The following TRPM3 variants were observed in gnomAD, a reference collection of about 807,000 sequenced individuals.
The protein encoded by TRPM3 is long transient receptor potential channel 3.
TRPM3 carries 77 observed loss-of-function variants against 181.2 expected under a neutral mutation model. The observed-to-expected ratio is 0.42, with a 90% CI of 0.35 to 0.51. TRPM3 has a LOEUF of 0.51. TRPM3 is among the 20% of genes least tolerant of loss of function. The pLI is 0.01. For missense variants in TRPM3, 1,759 were observed against 2,196.7 expected (o/e 0.80, Z 3.98); for synonymous variants, 745 against 796.4 (o/e 0.94, Z 1.09).
At chr9:70,548,377 G>A (rs2045596677) in intron 25 of TRPM3, among the ~76,000 whole-genome samples, 1 of 152,150 alleles carries the variant, frequency 6.6e-6, no homozygotes, top group African/African-American at 2.4e-5. Flanking sequence ...ATCACTTAAT[G>A]GCATATGTGT....
chr9:71,128,942 C>T (rs921499358), intron 1 of TRPM3, among the ~76,000 whole-genome samples: 1 of 152,198 alleles, frequency 6.6e-6, no homozygotes, highest in African/African-American at 2.4e-5. Context: ...ACACACCCTG[C>T]CTTGTGCATC....
At chr9:71,281,677 T>C (rs375907989) in intron 1 of TRPM3, among the ~76,000 whole-genome samples, 1 of 152,350 alleles carries the variant, frequency 6.6e-6, no homozygotes, top group South Asian at 2.1e-4. Context: ...TAAGCAATCA[T>C]ATTAATTTCT....
intron 1 of TRPM3, among the ~76,000 whole-genome samples, chr9:70,961,670 CT>C (rs1319307940): frequency 6.6e-6 from 1 of 152,092 alleles, no homozygotes; most frequent in East Asian, 1.9e-4. Flanking sequence ...TTTTTTGTGA[CT>C]ATTTTAGTTT....
In TRPM3 at chr9:71,030,984, G is replaced by T. The variant is rs2057227570; in HGVS notation, c.177+90194C>A. ...AAATGTTGAACTTATGGGATTTGGG[G>T]GTTTATTTCAGCATTTCTGTATATT... On this transcript the variant is annotated intron_variant, in intron 1 of 25. Transcript: ENST00000677713. 2.0e-5 allele frequency among the ~76,000 whole-genome samples: 3 copies of T among 151,966 alleles called. No homozygotes were observed. In the South Asian group the frequency reaches 6.2e-4, roughly 32 times the overall value.
chr9:70,607,507 G>T (rs1377335015), intron 19 of TRPM3, among the ~76,000 whole-genome samples: 1 of 152,142 alleles, frequency 6.6e-6, no homozygotes, highest in African/African-American at 2.4e-5. Context: ...AGTCAGCCAC[G>T]CAGAAGTGTG....
rs530062688 is a variant in TRPM3 at position 71,280,469 on chromosome 9, C to T, written c.183+166184G>A. Among the ~76,000 whole-genome samples the T allele has an allele frequency of 3.3e-5, 5 of 151,956 alleles. No homozygotes were observed. In the East Asian group the frequency reaches 9.7e-4, roughly 29 times the overall value. On this transcript the variant is annotated intron_variant, in intron 1 of 24. Coordinates refer to the TRPM3 transcript ENST00000357533. ...CAGAAGTCTCTGGCTAAGTCAGCAC[C>T]CTTCCCCTTCAGAAAAAGCCAACAA...
Position 70,812,908 on chromosome 9 carries a change from A to G in TRPM3, c.973+14939T>C, listed in dbSNP as rs560216333. On this transcript the variant is annotated intron_variant, in intron 6 of 25. Transcript: ENST00000677713. The stretch of plus-strand genomic sequence containing the variant: ...TGTGTTATGTCCGCAAATTGTCTCA[A>G]TATTTTCTTAATTACCTTTCAGGAC... 3.3e-5 allele frequency among the ~76,000 whole-genome samples: 5 copies of G among 152,296 alleles called. No homozygotes were observed. The South Asian group carries it at 1.0e-3, about 32-fold the overall frequency.
At chr9:70,784,620 A>T (rs1588297057) in intron 6 of TRPM3, among the ~76,000 whole-genome samples, 2 of 152,162 alleles carry the variant, frequency 1.3e-5, no homozygotes, top group African/African-American at 4.8e-5. Context: ...AGCAACCAAG[A>T]GCGTGGAAGC....
At chr9:71,416,446 T>G (rs1028486991) in intron 1 of TRPM3, among the ~76,000 whole-genome samples, 1 of 151,946 alleles carries the variant, frequency 6.6e-6, no homozygotes, top group Non-Finnish European at 1.5e-5. Context: ...ATATGAAGGC[T>G]AATTATTGTT....
At chr9:70,889,059 A>G (rs539473669) in intron 1 of TRPM3, among the ~76,000 whole-genome samples, 1 of 152,316 alleles carries the variant, frequency 6.6e-6, no homozygotes, top group South Asian at 2.1e-4. Flanking sequence ...GAATGTTCAA[A>G]GCTCGGGAAC....
chr9:71,148,064 C>G (rs935086627), intron 1 of TRPM3, among the ~76,000 whole-genome samples: 6 of 151,690 alleles, frequency 4.0e-5, no homozygotes, highest in Non-Finnish European at 8.8e-5. Flanking sequence ...GATTCTGATT[C>G]TCAAGTGGGG....
intron 1 of TRPM3, among the ~76,000 whole-genome samples, chr9:71,360,783 C>G (rs548758071): frequency 7.2e-5 from 11 of 152,076 alleles, no homozygotes; most frequent in African/African-American, 2.4e-4. Context: ...GAGCACAGCA[C>G]TATGTCATCA....
intron 3 of TRPM3, among the ~76,000 whole-genome samples, chr9:70,854,070 C>T (rs1180745884): frequency 6.6e-6 from 1 of 152,166 alleles, no homozygotes; most frequent in Middle Eastern, 3.2e-3. Context: ...CATAAATGGA[C>T]GTGCCCAGAG....
chr9:71,132,961 C>A (rs1338189429), intron 1 of TRPM3, among the ~76,000 whole-genome samples: 3 of 152,020 alleles, frequency 2.0e-5, no homozygotes, highest in African/African-American at 7.2e-5. Context: ...GTACAGTACT[C>A]AATCATATGT....
chr9:70,747,663 G>A (rs1192277564), intron 8 of TRPM3, among the ~76,000 whole-genome samples: 1 of 151,910 alleles, frequency 6.6e-6, no homozygotes, highest in Admixed American at 6.6e-5. Flanking sequence ...TTAAAGGGTT[G>A]TTCAAAAACA....
At chr9:70,852,203 A>G (rs1327599699) in intron 3 of TRPM3, among the ~76,000 whole-genome samples, 1 of 151,726 alleles carries the variant, frequency 6.6e-6, no homozygotes, top group Non-Finnish European at 1.5e-5. Flanking sequence ...TAACCAGAAT[A>G]CAAGAACCTT....
At chr9:70,949,790 A>G (rs77160741) in intron 1 of TRPM3, among the ~76,000 whole-genome samples, 2,938 of 152,272 alleles carry the variant, frequency 0.019, 51 homozygotes, top group East Asian at 0.052. Flanking sequence ...ACACATTTAT[A>G]TGAGTTAGTA....
intron 1 of TRPM3, among the ~76,000 whole-genome samples, chr9:71,355,285 G>T (rs919081312): frequency 2.6e-5 from 4 of 152,162 alleles, no homozygotes; most frequent in African/African-American, 9.7e-5. Flanking sequence ...ATAAAATGAG[G>T]ATTAGAGTGA....
At chr9:71,442,709 T>A (rs1466282492) in intron 1 of TRPM3, among the ~76,000 whole-genome samples, 2 of 152,246 alleles carry the variant, frequency 1.3e-5, no homozygotes, top group Non-Finnish European at 2.9e-5. Context: ...CCCAAAATAA[T>A]GCTGGATTTT....
Sources: allele counts gnomAD v4.1 joint callset (sites outside exome capture counted in the v4.1 genomes callset), GRCh38; gene constraint gnomAD v4.1.1; transcripts MANE v1.5; gene names NCBI Gene and HGNC (gene_info 2026-07-23, HGNC 2026-07-21).